The following PCDHGA5 variants were observed in gnomAD, a reference collection of about 807,000 sequenced individuals.
PCDHGA5 encodes protocadherin gamma subfamily A, 5.
In PCDHGA5, 36 loss-of-function variants were observed where a neutral mutation model predicts 56.7. That is an observed-to-expected ratio of 0.64 (90% confidence interval 0.49 to 0.84). The LOEUF is 0.84. Among genes scored for constraint, PCDHGA5 ranks in the 40% least tolerant of loss-of-function variants. PCDHGA5 has a pLI of 0.00. For missense variants in PCDHGA5, 1,305 were observed against 1,201.5 expected (o/e 1.09, Z -1.27); for synonymous variants, 563 against 520.2 (o/e 1.08, Z -1.12).
Position 141,511,035 on chromosome 5 carries a change from C to A in PCDHGA5, c.2658C>A (p.His886Gln). Residue 886 changes from histidine to glutamine, a missense_variant, in exon 4 of 4, where the codon CAC becomes CAA. Physicochemically the swap from His to Gln is conservative, Grantham distance 24 (BLOSUM62 0). Transcript: ENST00000518069. The stretch of plus-strand genomic sequence containing the variant: ...ACGGACCCCAGTTCACCCTGCAGCA[C>A]GTGCCCGACTACCGCCAGAATGTCT... ...ARYGPQFTLQ[H>Q]VPDYRQNVYI... 2 of 1,614,208 alleles carry A rather than the reference C, an allele frequency of 1.2e-6. No individual in the cohort carries two copies. The highest frequency in any genetic ancestry group is 1.1e-5 in the South Asian group (1 of 91,088).
chr5:141,376,010 G>A (rs1479116283), intron 1 of PCDHGA5: 4 of 1,613,424 alleles, frequency 2.5e-6, no homozygotes, highest in Middle Eastern at 1.7e-4. Flanking sequence ...GCAGAGCCTA[G>A]TGGTGGCCGT....
Position 141,487,830 on chromosome 5 carries a change from T to C in PCDHGA5, c.2422-6977T>C, listed in dbSNP as rs1410090651. On this transcript the variant is annotated intron_variant, in intron 1 of 3. Transcript: ENST00000518069. This position sits in a 1 kb window ranked among gnomAD's most constrained non-coding sequence, Gnocchi z 5.0. ...TTTAGCATTGGGGGCGGGTCATGCC[T>C]ATATCTGAGTAAGAAATGAAAGTAA... The C allele has an allele frequency of 3.5e-6, 4 of 1,139,942 alleles. No homozygotes were observed. The highest frequency in any genetic ancestry group is 1.6e-5 in the African/African-American group (1 of 63,734). The allele number at this position is 1,139,942 out of a possible 1,614,324, so 70.6% of individuals were successfully genotyped here.
rs527641698 is a variant in PCDHGA5 at position 141,410,317 on chromosome 5, C to G, written c.2421+43566C>G. The G allele has an allele frequency of 2.5e-6, 4 of 1,613,892 alleles. No homozygotes were observed. In the East Asian group the frequency reaches 6.7e-5, roughly 27 times the overall value. ...CCTTAATCTCAGTGCTCTTCCTCCT[C>G]GCCGTGATTCTGGCCATTGCCTTGC... On this transcript the variant is annotated intron_variant, in intron 1 of 3. Transcript: ENST00000518069.
chr5:141,432,521 G>A lies in PCDHGA5; in HGVS notation c.2422-62286G>A. The stretch of plus-strand genomic sequence containing the variant: ...CCGCTCCGCAGAGCCCGGCTACCTG[G>A]TGACCAAGGTGGTGGCGGTGGACAG... On this transcript the variant is annotated intron_variant, in intron 1 of 3. Coordinates refer to ENST00000518069, the MANE Select transcript of PCDHGA5 (RefSeq NM_018918.3). The surrounding 1 kb of genome is among the most constrained non-coding windows in gnomAD (Gnocchi z 6.0). The A allele has an allele frequency of 6.2e-7, 1 of 1,614,112 alleles. No homozygotes were observed. Among genetic ancestry groups the A allele is most frequent in the Non-Finnish European group, 8.5e-7 (1 of 1,180,028 alleles).
At chr5:141,461,603 G>A (rs1413122199) in intron 1 of PCDHGA5, among the ~76,000 whole-genome samples, 8 of 152,092 alleles carry the variant, frequency 5.3e-5, no homozygotes, top group African/African-American at 1.9e-4. Context: ...TTATAATTTA[G>A]TTCAAAGTAT....
At chr5:141,456,615 A>G (rs561978043) in intron 1 of PCDHGA5, among the ~76,000 whole-genome samples, 3 of 152,318 alleles carry the variant, frequency 2.0e-5, no homozygotes, top group East Asian at 3.9e-4. Flanking sequence ...AAGTCCCTGT[A>G]GATTTGCCTC....
chr5:141,404,952 G>A (rs2094589054), intron 1 of PCDHGA5: 3 of 1,614,030 alleles, frequency 1.9e-6, no homozygotes, highest in African/African-American at 1.3e-5. Flanking sequence ...ATAGCTGACA[G>A]CATCCCAGAC....
chr5:141,418,599 A>C, intron 1 of PCDHGA5: 2 of 1,614,054 alleles, frequency 1.2e-6, no homozygotes. Context: ...CAGGACGTGT[A>C]CAGGGTTAGC....
chr5:141,413,747 A>G (rs1208637349), intron 1 of PCDHGA5: 7 of 1,613,230 alleles, frequency 4.3e-6, no homozygotes, highest in African/African-American at 4.0e-5. Flanking sequence ...AGCCGTGCCA[A>G]TGGCGTCAAG....
Position 141,385,136 on chromosome 5 carries a change from T to C in PCDHGA5, c.2421+18385T>C, listed in dbSNP as rs760226388. The C allele has an allele frequency of 1.2e-6, 2 of 1,614,180 alleles. No individual in the cohort carries two copies. Among genetic ancestry groups the C allele is most frequent in the Middle Eastern group, 1.6e-4 (1 of 6,062 alleles). ...TCGCACTTTGTGGGCATGGACGGGG[T>C]GCAGGCTTTCCTGCAGACCTATTCC... On this transcript the variant is annotated intron_variant, in intron 1 of 3. Transcript: ENST00000518069.
rs748951693 is a variant in PCDHGA5, at chr5:141,365,805, C to T, written c.1475C>T (p.Ala492Val). The T allele has an allele frequency of 3.1e-6, 5 of 1,613,942 alleles. No homozygotes were observed. The South Asian group carries it at 5.5e-5, about 18-fold the overall frequency. Residue 492 changes from alanine (A) to valine (V), a missense_variant, in exon 1 of 4, where the codon GCT (alanine) becomes GTT (valine). Physicochemically the swap from Ala to Val is moderately conservative, Grantham distance 64 (BLOSUM62 0). Coordinates refer to ENST00000518069, the MANE Select transcript of PCDHGA5 (RefSeq NM_018918.3). ...AACGCTCGAGTCACCTACTCCCTGG[C>T]TGAAGACACATTTCAGGGGGCGCCC... ...GDNARVTYSL[A>V]EDTFQGAPLS...
intron 2 of PCDHGA5, among the ~76,000 whole-genome samples, chr5:141,501,015 C>T (rs950216755): frequency 6.6e-5 from 10 of 151,866 alleles, no homozygotes; most frequent in African/African-American, 2.4e-4. Context: ...ACTACAGGCA[C>T]GCGCCACCAC....
At chr5:141,422,111 T>A (rs763658255) in intron 1 of PCDHGA5, 1 of 1,606,408 alleles carries the variant, frequency 6.2e-7, no homozygotes, top group Admixed American at 1.7e-5. Context: ...ATATTCCAAT[T>A]GGATTCACAA....
At chr5:141,366,954 C>A in intron 1 of PCDHGA5, 1 of 692,400 alleles carries the variant, frequency 1.4e-6, no homozygotes. Flanking sequence ...TATCTGTAGA[C>A]TTAAGTGAAA....
At position 141,388,323 on chromosome 5, in the gene PCDHGA5, C is replaced by T. The variant is rs534112048; in HGVS notation, c.2421+21572C>T. On this transcript the variant is annotated intron_variant, in intron 1 of 3. Coordinates refer to ENST00000518069, the MANE Select transcript of PCDHGA5 (RefSeq NM_018918.3). ...TGAGCTGCAAATAAGTGAGTCTGCA[C>T]AGCCTGGCACACGATTTATATTAGG... 54 of 1,613,894 alleles carry T rather than the reference C, an allele frequency of 3.3e-5. No individual in the cohort carries two copies. In the East Asian group the frequency reaches 1.2e-3, roughly 35 times the overall value.
Position 141,486,070 on chromosome 5 carries a change from T to C in PCDHGA5, c.2422-8737T>C. ...ACCTCTTTAGCCTGCACCCCACTAC[T>C]GGAAAGCTTACTCTTTTGGGGCCCC... On this transcript the variant is annotated intron_variant, in intron 1 of 3. Coordinates refer to ENST00000518069, the MANE Select transcript of PCDHGA5 (RefSeq NM_018918.3). The surrounding 1 kb of genome is among the most constrained non-coding windows in gnomAD (Gnocchi z 5.0). 6.2e-7 allele frequency: 1 copy of C among 1,614,158 alleles called. No homozygotes were observed. The highest frequency in any genetic ancestry group is 8.5e-7 in the Non-Finnish European group (1 of 1,180,010).
intron 1 of PCDHGA5, chr5:141,410,274 A>G: frequency 4.3e-6 from 7 of 1,613,948 alleles, no homozygotes; most frequent in Non-Finnish European, 5.9e-6. Context: ...CTGCAGTTTT[A>G]CCTGGTGGTG....
intron 1 of PCDHGA5, chr5:141,374,142 TG>T (rs1770186580): frequency 6.2e-7 from 1 of 1,610,196 alleles, no homozygotes; most frequent in Non-Finnish European, 8.5e-7. Flanking sequence ...CTCACGCTCC[TG>T]GGGACGCTGT....
In PCDHGA5 at chr5:141,486,872, C is replaced by T. The variant is rs1320632059; in HGVS notation, c.2422-7935C>T. On this transcript the variant is annotated intron_variant, in intron 1 of 3. Transcript: ENST00000518069. The surrounding 1 kb of genome is among the most constrained non-coding windows in gnomAD (Gnocchi z 5.0). ...CAATGACAATGCTCCAGCTGTGCTC[C>T]GTCCTCGGGCCCGGCCTGGTTCCTT... The T allele has an allele frequency of 3.7e-6, 6 of 1,614,232 alleles. No individual in the cohort carries two copies. Among genetic ancestry groups the T allele is most frequent in the African/African-American group, 1.3e-5 (1 of 75,070 alleles).
Sources: gnomAD v4.1 joint callset for allele counts (sites outside exome capture counted in the v4.1 genomes callset) on GRCh38, gnomAD v4.1.1 for gene constraint, Gnocchi (gnomAD v3.1) non-coding constraint, MANE v1.5 for transcripts, NCBI Gene and HGNC (gene_info 2026-07-23, HGNC 2026-07-21) for gene names.